The following PSME4 variants were observed in gnomAD, a reference collection of about 807,000 sequenced individuals.
PSME4 encodes proteasome activator complex subunit 4.
Under a neutral mutation model 253.9 loss-of-function variants are expected in PSME4, and 89 were observed. The observed-to-expected ratio is 0.35, with a 90% CI of 0.30 to 0.42. The LOEUF (loss-of-function observed/expected upper bound fraction) is 0.42. Among genes scored for constraint, PSME4 ranks in the 10% least tolerant of loss-of-function variants. PSME4 has a pLI of 1.00. For missense variants in PSME4, 2,014 were observed against 2,195.2 expected, an observed-to-expected ratio of 0.92 and a Z score of 1.65; for synonymous variants, 851 against 759.2, an observed-to-expected ratio of 1.12 and a Z score of -1.99.
chr2:53,932,528 TAA>T lies in PSME4; in HGVS notation c.1050+138_1050+139del. The T allele has an allele frequency of 7.3e-6, 5 of 689,472 alleles. No homozygotes were observed. In the South Asian group the frequency reaches 9.4e-5, roughly 13 times the overall value. 42.7% of individuals were successfully genotyped at this position (689,472 alleles called of 1,614,324 possible). ...TTATATGCTCTCCCACACAGTAATT[TAA>T]TTTAAATGTAAGCATTTACATATAG... On this transcript the variant is annotated intron_variant, in intron 9 of 46. Transcript: ENST00000404125.
intron 38 of PSME4, chr2:53,888,207 CTG>C (rs940594545): frequency 2.6e-6 from 1 of 384,650 alleles, no homozygotes; most frequent in African/African-American, 2.1e-5. Context: ...TACTAGAAAA[CTG>C]AAAGAAATAC....
At chr2:53,893,604 A>AT in intron 35 of PSME4, 70 bp downstream of exon 35, 1 of 1,570,938 alleles carries the variant, frequency 6.4e-7, no homozygotes, top group Non-Finnish European at 8.6e-7. Flanking sequence ...TCAAATATTT[A>AT]TAAGTTATGA....
At chr2:53,890,500 T>C (rs915355176) in intron 36 of PSME4, among the ~76,000 whole-genome samples, 1 of 152,134 alleles carries the variant, frequency 6.6e-6, no homozygotes, top group African/African-American at 2.4e-5. Flanking sequence ...AAAAACAGGA[T>C]CTTGCTATGT....
At chr2:53,946,200 G>C (rs1669690790) in intron 3 of PSME4, among the ~76,000 whole-genome samples, 2 of 152,194 alleles carry the variant, frequency 1.3e-5, no homozygotes, top group African/African-American at 4.8e-5. Context: ...TGCAAAGGTA[G>C]ACCCTTAAGG....
At chr2:53,911,701 A>G (rs1387440115) in intron 20 of PSME4, among the ~76,000 whole-genome samples, 1 of 152,164 alleles carries the variant, frequency 6.6e-6, no homozygotes, top group East Asian at 1.9e-4. Context: ...AGAAATATAC[A>G]GTCTGCAGCT....
rs79135142 is a variant in PSME4, at chr2:53,963,449, T to A, written c.242+7094A>T. Among the ~76,000 whole-genome samples, 1,004 of 152,192 alleles carry A rather than the reference T, an allele frequency of 6.6e-3. 10 individuals are homozygous for A. Among genetic ancestry groups the A allele is most frequent in the African/African-American group, 0.023 (959 of 41,522 alleles). On this transcript the variant is annotated intron_variant, in intron 1 of 46. Coordinates refer to ENST00000404125, the MANE Select transcript of PSME4 (RefSeq NM_014614.3). ...CAGCCCACGCATTGCACTCAAAAAA[T>A]TGTGTTCAAAGAAGATTGATGTCTG...
chr2:53,911,201 A>G (rs1425087114), intron 20 of PSME4, among the ~76,000 whole-genome samples: 2 of 152,214 alleles, frequency 1.3e-5, no homozygotes, highest in Non-Finnish European at 2.9e-5. Flanking sequence ...AACCCAGTAC[A>G]GAGGATAGCA....
At chr2:53,877,942 G>A (rs1679211072) in intron 41 of PSME4, among the ~76,000 whole-genome samples, 1 of 152,120 alleles carries the variant, frequency 6.6e-6, no homozygotes, top group Admixed American at 6.6e-5. Flanking sequence ...AAACCATACT[G>A]AGTTATATGT....
chr2:53,935,250 T>A (rs902594340), intron 7 of PSME4, among the ~76,000 whole-genome samples: 6 of 152,180 alleles, frequency 3.9e-5, no homozygotes, highest in Non-Finnish European at 8.8e-5. Context: ...AAAATTAAAT[T>A]TATATTCCAA....
intron 16 of PSME4, 79 bp from the exon 17 acceptor site, chr2:53,922,663 A>G: frequency 3.4e-6 from 5 of 1,474,780 alleles, no homozygotes; most frequent in South Asian, 1.3e-5. Context: ...CTTCTATTTA[A>G]TATTTCCAAT....
At chr2:53,910,538 G>C (rs755095443) in intron 20 of PSME4, among the ~76,000 whole-genome samples, 3 of 152,144 alleles carry the variant, frequency 2.0e-5, no homozygotes, top group Non-Finnish European at 4.4e-5. Context: ...CTTAAAATCA[G>C]TCAAAAACAT....
At chr2:53,916,042 T>A (rs867199957) in intron 20 of PSME4, among the ~76,000 whole-genome samples, 5 of 152,002 alleles carry the variant, frequency 3.3e-5, no homozygotes, top group Non-Finnish European at 7.4e-5. Context: ...GCCATTGTAC[T>A]CTAGCCTGGG....
Position 53,896,889 on chromosome 2 carries a change from G to C in PSME4, c.3607-4C>G, listed in dbSNP as rs959620443. On this transcript the variant is annotated splice_region_variant and splice_polypyrimidine_tract_variant and intron_variant, in intron 31 of 46. Coordinates refer to ENST00000404125, the MANE Select transcript of PSME4 (RefSeq NM_014614.3). ...CAGCAACAGCTGAGATAGCCATCTAGAAAAGGAAAAAGGTACACATTCATA... is the reference window on the plus strand; with the variant it reads ...CAGCAACAGCTGAGATAGCCATCTACAAAAGGAAAAAGGTACACATTCATA... 1.1e-5 allele frequency: 17 copies of C among 1,604,802 alleles called. No individual in the cohort carries two copies. The highest frequency in any genetic ancestry group is 1.4e-5 in the Non-Finnish European group (16 of 1,172,124).
chr2:53,869,319 T>C (rs1678753583), intron 44 of PSME4, 57 bp downstream of exon 44: 8 of 1,434,134 alleles, frequency 5.6e-6, no homozygotes, highest in Non-Finnish European at 7.6e-6. Context: ...TGAGTAAGCC[T>C]GGTTAACCCT....
chr2:53,940,058 T>C, intron 3 of PSME4, 58 bp from the exon 4 acceptor site: 5 of 1,261,472 alleles, frequency 4.0e-6, no homozygotes, highest in Non-Finnish European at 5.6e-6. Context: ...CATATCTAAT[T>C]CAATTAATAA....
At chr2:53,916,084 T>A (rs144931619) in intron 20 of PSME4, among the ~76,000 whole-genome samples, 2,793 of 151,484 alleles carry the variant, frequency 0.018, 34 homozygotes, top group Middle Eastern at 0.061. Context: ...TCAAAAAAAA[T>A]TAAAATACAA....
rs747766566 is a variant in PSME4 at position 53,927,498 on chromosome 2, A to G, written c.1504-15T>C. 6.6e-7 allele frequency: 1 copy of G among 1,523,898 alleles called. No homozygotes were observed. The highest frequency in any genetic ancestry group is 1.1e-5 in the South Asian group (1 of 89,018). The allele number at this position is 1,523,898 out of a possible 1,614,324, so 94.4% of individuals were successfully genotyped here. ...TGGAATGTGATCTGTGGAAACATAC[A>G]AAGGATTTTCAACATTACATAATTC... On this transcript the variant is annotated splice_polypyrimidine_tract_variant and intron_variant, in intron 11 of 46. Coordinates refer to ENST00000404125, the MANE Select transcript of PSME4 (RefSeq NM_014614.3).
intron 3 of PSME4, among the ~76,000 whole-genome samples, chr2:53,941,253 T>A (rs1669440427): frequency 6.9e-6 from 1 of 144,134 alleles, no homozygotes; most frequent in African/African-American, 2.6e-5. Context: ...CAGAGAAAAA[T>A]TAACTGAAGA....
chr2:53,896,783 A>G, intron 32 of PSME4, 21 bp downstream of exon 32: 1 of 1,559,756 alleles, frequency 6.4e-7, no homozygotes, highest in Non-Finnish European at 8.8e-7. Flanking sequence ...AGCACTATTA[A>G]TTACTTCTGG....
Sources: gnomAD v4.1 joint callset for allele counts (sites outside exome capture counted in the v4.1 genomes callset) on GRCh38, gnomAD v4.1.1 for gene constraint, MANE v1.5 for transcripts, NCBI Gene and HGNC (gene_info 2026-07-23, HGNC 2026-07-21) for gene names.